The following HERC2 variants were observed in gnomAD, a reference collection of about 807,000 sequenced individuals.
HERC2 encodes the protein E3 ubiquitin-protein ligase HERC2.
A neutral mutation model predicts 537.7 loss-of-function variants in HERC2; 102 were observed. That is an observed-to-expected ratio of 0.19 (90% confidence interval 0.16 to 0.22). The LOEUF is 0.22. Ranked by LOEUF, HERC2 falls within the 10% of genes least tolerant of loss-of-function variation. The pLI, the probability that HERC2 is intolerant of heterozygous loss-of-function variation, is 1.00. For missense variants in HERC2, 4,236 were observed against 6,198.2 expected (o/e 0.68, Z 10.63); for synonymous variants, 2,224 against 2,466.2 (o/e 0.90, Z 2.91).
At chr15:28,288,843 C>T (rs1379007253) in intron 4 of HERC2, among the ~76,000 whole-genome samples, 2 of 136,534 alleles carry the variant, frequency 1.5e-5, no homozygotes, top group East Asian at 2.5e-4. Context: ...AGCAAAACTC[C>T]ATCTCAAAAA....
intron 78 of HERC2, among the ~76,000 whole-genome samples, chr15:28,139,054 T>C (rs1320205246): frequency 6.6e-6 from 1 of 152,350 alleles, no homozygotes; most frequent in East Asian, 1.9e-4. Flanking sequence ...AGATGTGACT[T>C]AATAGACTAT....
intron 35 of HERC2, among the ~76,000 whole-genome samples, chr15:28,224,350 T>C (rs1294807841): frequency 6.6e-6 from 1 of 152,030 alleles, no homozygotes; most frequent in African/African-American, 2.4e-5. Context: ...GCCTCCCAGG[T>C]AGCTGGGACC....
chr15:28,144,258 TC>T lies in HERC2; in HGVS notation c.11141-24del, dbSNP rs534564324. The stretch of plus-strand genomic sequence containing the variant: ...GGCCTGTGAATGAACACTGTAAACA[TC>T]CCCGGGTTTCACAAGCTAGGTACCA... On this transcript the variant is annotated intron_variant, in intron 72 of 92. Transcript: ENST00000261609. 1.4e-4 allele frequency: 219 copies of T among 1,608,372 alleles called. 1 individual carries two copies. The South Asian group carries it at 2.2e-3, about 16-fold the overall frequency.
Position 28,167,722 on chromosome 15 carries a change from T to C in HERC2, c.10519A>G (p.Ser3507Gly). Residue 3507 changes from serine (S) to glycine (G), a missense_variant, in exon 68 of 93, where the codon AGC becomes GGC. Coordinates refer to ENST00000261609, the MANE Select transcript of HERC2 (RefSeq NM_004667.6). ...IPVTDDLGAA[S>G]IIAETMTKTK... is the part of the protein sequence containing the mutation. ...TTGGTCATGGTTTCTGCAATGATGC[T>C]TGCGGCTCCCAGGTCATCCGTCACT... 1.2e-6 allele frequency: 2 copies of C among 1,614,226 alleles called. No homozygotes were observed. The highest frequency in any genetic ancestry group is 1.7e-6 in the Non-Finnish European group (2 of 1,180,046).
chr15:28,197,042 TG>T (rs1897408211), intron 50 of HERC2, among the ~76,000 whole-genome samples: 1 of 152,256 alleles, frequency 6.6e-6, no homozygotes, highest in South Asian at 2.1e-4. Context: ...TTTTAAAATT[TG>T]TCTTGTTTTG....
At position 28,111,820 on chromosome 15, in the gene HERC2, G is replaced by A. The variant is rs770271957; in HGVS notation, c.14448C>T (p.Asn4816=). The A allele has an allele frequency of 1.1e-5, 17 of 1,614,054 alleles. 1 individual carries two copies. The South Asian group carries it at 1.4e-4, about 14-fold the overall frequency. Residue 4816 remains asparagine (N), a synonymous_variant, in exon 93 of 93, where the codon AAC becomes AAT. Transcript: ENST00000261609. The part of the protein sequence containing the change: ...AADDSSDDSD[N]EDVDSFASDS... ...CCGAAGCAAAGGAGTCGACATCCTCGTTATCTGAATCGTCGCTGCTGTCGT... is the reference window on the plus strand; with the variant it reads ...CCGAAGCAAAGGAGTCGACATCCTCATTATCTGAATCGTCGCTGCTGTCGT...
In HERC2 at chr15:28,252,338, G is replaced by A. The variant is rs182960492; in HGVS notation, c.3050+2002C>T. Among the ~76,000 whole-genome samples, 34 of 152,012 alleles carry A rather than the reference G, an allele frequency of 2.2e-4. No individual in the cohort carries two copies. In the Middle Eastern group the frequency reaches 0.01, roughly 46 times the overall value. On this transcript the variant is annotated intron_variant, in intron 20 of 92. Transcript: ENST00000261609. ...GACGGGGAAAACGGGCACTGCCCTC[G>A]TGAGAACAAAGGACCCACAACAGGA...
rs895796883 is a variant in HERC2 at position 28,268,501 on chromosome 15, C to T, written c.1562G>A (p.Cys521Tyr). 2 of 1,613,996 alleles carry T rather than the reference C, an allele frequency of 1.2e-6. No individual in the cohort carries two copies. ...AATGEVYSWG[C>Y]GDGGRLGHGD... ...ATGGCCCAGCCGTCCGCCGTCCCCA[C>T]AGCCCCAGGAGTACACCTCTCCAGT... The change falls in exon 12 of 93, where the codon TGT becomes TAT. Residue 521 changes from cysteine (C) to tyrosine (Y), a missense_variant. This residue lies in a region of HERC2 where 754 missense variants were observed against 1,085.0 expected (regional missense o/e 0.69). Transcript: ENST00000261609. The surrounding 1 kb of genome is among the most constrained non-coding windows in gnomAD (Gnocchi z 4.7).
chr15:28,242,453 G>A (rs368374484), intron 23 of HERC2, among the ~76,000 whole-genome samples: 10 of 152,140 alleles, frequency 6.6e-5, no homozygotes, highest in Admixed American at 3.3e-4. Context: ...ACAAACTAAC[G>A]TTCTCTGGTG....
chr15:28,257,288 TG>T, intron 16 of HERC2, 27 bp from the exon 17 acceptor site: 1 of 1,600,656 alleles, frequency 6.2e-7, no homozygotes. Flanking sequence ...CAATCTAAAA[TG>T]AATCTCCAAA....
At chr15:28,153,453 A>T (rs1161795473) in intron 69 of HERC2, among the ~76,000 whole-genome samples, 1 of 152,150 alleles carries the variant, frequency 6.6e-6, no homozygotes, top group Non-Finnish European at 1.5e-5. Context: ...CAGGAGTTCA[A>T]GACCAGCCTG....
At chr15:28,151,460 T>G (rs1169822223) in intron 70 of HERC2, among the ~76,000 whole-genome samples, 3 of 151,896 alleles carry the variant, frequency 2.0e-5, no homozygotes, top group Admixed American at 6.6e-5. Context: ...CAGAGCAAGA[T>G]CCTATCTCTA....
chr15:28,227,649 A>G (rs997341430), intron 35 of HERC2, among the ~76,000 whole-genome samples: 4 of 152,278 alleles, frequency 2.6e-5, no homozygotes, highest in African/African-American at 9.6e-5. Flanking sequence ...TCCTAGGTGT[A>G]TAATCAAAAG....
intron 12 of HERC2, among the ~76,000 whole-genome samples, chr15:28,266,316 G>C (rs1596351153): frequency 6.6e-6 from 1 of 152,312 alleles, no homozygotes; most frequent in South Asian, 2.1e-4. Flanking sequence ...ACGAGTTCGA[G>C]ACCAGCCTGG....
rs201416277 is a variant in HERC2, at chr15:28,144,073, T to C, written c.11299+4A>G. The C allele has an allele frequency of 3.7e-6, 6 of 1,614,106 alleles. No individual in the cohort carries two copies. The East Asian group carries it at 1.3e-4, about 36-fold the overall frequency. On this transcript the variant is annotated splice_donor_region_variant and intron_variant, in intron 73 of 92. Transcript: ENST00000261609. ...ACAGATGTAACTGTAATGGTGGCAT[T>C]TACCTAGGGCACTCAGCTGTGCACA...
intron 4 of HERC2, among the ~76,000 whole-genome samples, chr15:28,284,375 G>A (rs969863197): frequency 4.6e-5 from 7 of 151,436 alleles, no homozygotes; most frequent in Non-Finnish European, 7.4e-5. Flanking sequence ...AAACAAAATG[G>A]CAGTGTTAAG....
At chr15:28,277,030 A>G (rs374173895) in intron 5 of HERC2, among the ~76,000 whole-genome samples, 1 of 152,288 alleles carries the variant, frequency 6.6e-6, no homozygotes. Context: ...AGCTATGATT[A>G]TATCACTGCA....
intron 81 of HERC2, among the ~76,000 whole-genome samples, chr15:28,131,333 G>A (rs1032384393): frequency 6.6e-6 from 1 of 152,020 alleles, no homozygotes; most frequent in Non-Finnish European, 1.5e-5. Flanking sequence ...CACTGATGAG[G>A]GTCTGCTCCA....
chr15:28,299,428 T>C lies in HERC2; in HGVS notation c.161A>G (p.Gln54Arg), dbSNP rs200255984. The change falls in exon 3 of 93, where the codon CAG becomes CGG. Residue 54 changes from glutamine to arginine, a missense_variant. Gln to Arg is a conservative substitution (Grantham distance 43, BLOSUM62 1). Transcript: ENST00000261609. ...EIVYTGTEST[Q>R]NGELPPRKDD... Reference sequence around the variant, plus strand: ...TTTTCTAGGAGGGAGCTCTCCGTTCTGGGTTGATTCTGTTCCAGTGTATAC... The same window carrying C: ...TTTTCTAGGAGGGAGCTCTCCGTTCCGGGTTGATTCTGTTCCAGTGTATAC... The C allele has an allele frequency of 2.5e-6, 4 of 1,590,066 alleles. No homozygotes were observed. Among genetic ancestry groups the C allele is most frequent in the Middle Eastern group, 1.7e-4 (1 of 5,968 alleles).
Sources: gnomAD v4.1 joint callset for allele counts (sites outside exome capture counted in the v4.1 genomes callset) on GRCh38, gnomAD v4.1.1 for gene constraint, gnomAD v4.1.1 regional missense constraint, Gnocchi (gnomAD v3.1) non-coding constraint, MANE v1.5 for transcripts, NCBI Gene and HGNC (gene_info 2026-07-23, HGNC 2026-07-21) for gene names.